ZBTB25: variants seen among roughly 807,000 people sequenced by gnomAD.
ZBTB25 encodes zinc finger and BTB domain containing 25, also known as zinc finger and BTB domain-containing protein 25.
Under a neutral mutation model 34.2 loss-of-function variants are expected in ZBTB25, and 20 were observed. That is an observed-to-expected ratio of 0.58 (90% confidence interval 0.41 to 0.85). ZBTB25 has a LOEUF of 0.85. Ranked by LOEUF, ZBTB25 falls within the 40% of genes least tolerant of loss-of-function variation. The pLI is 0.00. For missense variants in ZBTB25, 437 were observed against 521.8 expected, an observed-to-expected ratio of 0.84 and a Z score of 1.58; for synonymous variants, 175 against 186.4, an observed-to-expected ratio of 0.94 and a Z score of 0.50.
chr14:64,492,117 CAAAAA>C (rs58321068), intron 1 of ZBTB25, among the ~76,000 whole-genome samples: 14 of 74,036 alleles, frequency 1.9e-4, no homozygotes, highest in South Asian at 5.5e-4. Flanking sequence ...GACCCTATCT[CAAAAA>C]AAAAAAAAAA....
intron 1 of ZBTB25, among the ~76,000 whole-genome samples, chr14:64,497,746 T>C (rs2079327435): frequency 6.6e-6 from 1 of 152,248 alleles, no homozygotes; most frequent in Non-Finnish European, 1.5e-5. Context: ...TTGATTCTTA[T>C]GTATTTAGAA....
intron 2 of ZBTB25, chr14:64,470,517 G>A (rs773571604): frequency 6.2e-6 from 1 of 160,794 alleles, no homozygotes; most frequent in Non-Finnish European, 1.5e-5. Flanking sequence ...TTGAACCCGA[G>A]AGGTGGAGGT....
chr14:64,487,114 C>CT lies in ZBTB25; in HGVS notation c.1116dup (p.Gly373ArgfsTer2). On this transcript the variant is annotated frameshift_variant, in exon 3 of 3. Coordinates refer to ENST00000608382, the MANE Select transcript of ZBTB25 (RefSeq NM_006977.5). LOFTEE classifies it high-confidence loss of function. The stretch of plus-strand genomic sequence containing the variant: ...CATCGGTTATATCTGTAAGATTTAC[C>CT]TTTGTGTGTATACATGTGTTCCAAC... 1 of 1,614,166 alleles carries CT rather than the reference C, an allele frequency of 6.2e-7. No individual in the cohort carries two copies. The highest frequency in any genetic ancestry group is 8.5e-7 in the Non-Finnish European group (1 of 1,180,030).
Position 64,487,276 on chromosome 14 carries a change from G to C in ZBTB25, c.955C>G (p.Pro319Ala), listed in dbSNP as rs771073200. The C allele has an allele frequency of 1.9e-6, 3 of 1,613,872 alleles. No individual in the cohort carries two copies. The highest frequency in any genetic ancestry group is 2.5e-6 in the Non-Finnish European group (3 of 1,180,030). ...AAAGATACTTGACTGATCTGCAAAG[G>C]CTCTGTGGTACCCCGGTTGGTGTGG... ...PDHTNRGTTE[P>A]LQISQVSLIS... Residue 319 changes from proline (P) to alanine (A), a missense_variant, in exon 3 of 3, where the codon CCT becomes GCT. By Grantham distance (27) the Pro-to-Ala change is conservative. Coordinates refer to ENST00000608382, the MANE Select transcript of ZBTB25 (RefSeq NM_006977.5).
At chr14:64,459,609 T>C (rs2078529992) in intron 2 of ZBTB25, 2 of 658,950 alleles carry the variant, frequency 3.0e-6, no homozygotes, top group Non-Finnish European at 2.6e-6. Flanking sequence ...AGTCCATTTA[T>C]GGACACGCCC....
At position 64,480,120 on chromosome 14, in the gene ZBTB25, G is replaced by A. The variant is rs988835886; in HGVS notation, c.*6803C>T. 2.0e-4 allele frequency: 35 copies of A among 175,350 alleles called. No individual in the cohort carries two copies. The highest frequency in any genetic ancestry group is 6.6e-4 in the South Asian group (7 of 10,640). 10.9% of individuals were successfully genotyped at this position (175,350 alleles called of 1,614,324 possible). ...AGGTGAATCACAAGGTCAGGAGTTC[G>A]AGACCAGCCTGGCCAACATGGTGAA... On this transcript the variant is annotated 3_prime_UTR_variant, in exon 3 of 3. Transcript: ENST00000608382.
chr14:64,469,085 G>C, intron 2 of ZBTB25: 1 of 1,613,964 alleles, frequency 6.2e-7, no homozygotes, highest in Non-Finnish European at 8.5e-7. Context: ...TCTAATCCTT[G>C]AAGAAATTGA....
At chr14:64,465,446 CCTGCTGTCTGT>C (rs1206014640) in intron 2 of ZBTB25, 2 of 151,840 alleles carry the variant, frequency 1.3e-5, no homozygotes, top group African/African-American at 4.8e-5. Context: ...ATTGGCGCTG[CCTGCTGTCTGT>C]CCCCGCGCGG....
intron 1 of ZBTB25, chr14:64,503,073 A>T (rs146186017): frequency 1.3e-4 from 133 of 985,478 alleles, no homozygotes; most frequent in Non-Finnish European, 1.5e-4. Context: ...AACTGGTAAC[A>T]ACTGATTACT....
intron 1 of ZBTB25, chr14:64,503,460 A>G: frequency 1.0e-6 from 1 of 985,414 alleles, no homozygotes; most frequent in African/African-American, 1.7e-5. Context: ...GGTTCTGGGT[A>G]TTGTCGGCCC....
chr14:64,502,104 T>C (rs2079517503), intron 1 of ZBTB25, among the ~76,000 whole-genome samples: 1 of 152,220 alleles, frequency 6.6e-6, no homozygotes, highest in Admixed American at 6.5e-5. Context: ...CATCTCCTTT[T>C]TGGTAAAGAC....
chr14:64,504,586 T>C (rs1044284673), upstream of ZBTB25: 1 of 235,094 alleles, frequency 4.3e-6, no homozygotes, highest in African/African-American at 2.3e-5. Flanking sequence ...CAGAAACTTG[T>C]TGCAACAAAC....
rs11849935 is a variant in ZBTB25 at position 64,483,363 on chromosome 14, T to C, written c.*3560A>G. 0.24 allele frequency: 36,615 copies of C among 151,948 alleles called. 5,156 individuals are homozygous for C. Among genetic ancestry groups the C allele is most frequent in the East Asian group, 0.41 (2,125 of 5,132 alleles). The allele number at this position is 151,948 out of a possible 1,614,324, so 9.4% of individuals were successfully genotyped here. ...TGCGATCTCCGCTCACTGCAACCTC[T>C]GCCTCCCGGGTTCAAGCTATTCCAC... On this transcript the variant is annotated 3_prime_UTR_variant, in exon 3 of 3. Transcript: ENST00000608382.
chr14:64,496,893 T>C (rs548887329), intron 1 of ZBTB25, among the ~76,000 whole-genome samples: 7 of 152,294 alleles, frequency 4.6e-5, no homozygotes, highest in South Asian at 2.1e-4. Flanking sequence ...TTCTTTTAAA[T>C]CTTGTGAGGT....
At chr14:64,504,669 G>A, upstream of ZBTB25, 1 of 353,426 alleles carries the variant, frequency 2.8e-6, no homozygotes, top group Non-Finnish European at 5.1e-6. Flanking sequence ...AAGGCTGGCG[G>A]ACGCCGCAGC....
At chr14:64,474,897 T>A (rs1193335553), downstream of ZBTB25, among the ~76,000 whole-genome samples, 2 of 152,252 alleles carry the variant, frequency 1.3e-5, no homozygotes, top group African/African-American at 4.8e-5. Context: ...GGTGGGTGTT[T>A]AAAAAGTTCT....
intron 2 of ZBTB25, chr14:64,454,972 C>T (rs1365938724): frequency 1.6e-6 from 2 of 1,290,124 alleles, no homozygotes; most frequent in East Asian, 4.6e-5. Flanking sequence ...GAGCAGAGTT[C>T]ACTGCCCAGA....
In ZBTB25 at chr14:64,484,240, G is replaced by A. The variant is rs10134530; in HGVS notation, c.*2683C>T. 1 of 152,060 alleles carries A rather than the reference G, an allele frequency of 6.6e-6. No homozygotes were observed. The highest frequency in any genetic ancestry group is 6.5e-5 in the Admixed American group (1 of 15,274). The allele number at this position is 152,060 out of a possible 1,614,324, so 9.4% of individuals were successfully genotyped here. A position where few individuals can be genotyped will look rare whatever the true frequency, so the allele number is the denominator to read the frequency against. On this transcript the variant is annotated 3_prime_UTR_variant, in exon 3 of 3. Coordinates refer to ENST00000608382, the MANE Select transcript of ZBTB25 (RefSeq NM_006977.5). ...GAACAGATATATTTCTGCTTTAAAT[G>A]AGTGTTGTCTATCACGGCCAATCAG...
chr14:64,503,099 C>A, intron 1 of ZBTB25: 1 of 985,410 alleles, frequency 1.0e-6, no homozygotes, highest in Non-Finnish European at 1.2e-6. Flanking sequence ...TACTGAGTGC[C>A]AGAGAAGACG....
Sources: gnomAD v4.1 joint callset for allele counts (sites outside exome capture counted in the v4.1 genomes callset) on GRCh38, gnomAD v4.1.1 for gene constraint, MANE v1.5 for transcripts, NCBI Gene and HGNC (gene_info 2026-07-23, HGNC 2026-07-21) for gene names.